The following ABCA6 variants were observed in gnomAD, a reference collection of about 807,000 sequenced individuals.
ABCA6 encodes the protein ATP-binding cassette sub-family A member 6.
In ABCA6, 164 loss-of-function variants were observed where a neutral mutation model predicts 191.2. That is an observed-to-expected ratio of 0.86 (90% confidence interval 0.76 to 0.98). The LOEUF (loss-of-function observed/expected upper bound fraction) is 0.98. ABCA6 is among the 50% of genes least tolerant of loss of function. The pLI is 0.00. For missense variants in ABCA6, 1,958 were observed against 1,894.1 expected (o/e 1.03, Z -0.63); for synonymous variants, 636 against 647.7 (o/e 0.98, Z 0.27).
At chr17:69,139,968 G>T (rs2074003911) in intron 2 of ABCA6, among the ~76,000 whole-genome samples, 2 of 119,080 alleles carry the variant, frequency 1.7e-5, no homozygotes, top group African/African-American at 3.1e-5. Flanking sequence ...GAGGGGGGAG[G>T]GATAGCATTA....
chr17:69,125,007 C>T lies in ABCA6; in HGVS notation c.1148G>A (p.Gly383Asp), dbSNP rs1418815071. The T allele has an allele frequency of 2.1e-6, 3 of 1,452,092 alleles. No individual in the cohort carries two copies. The highest frequency in any genetic ancestry group is 1.8e-6 in the Non-Finnish European group (2 of 1,086,956). 90.0% of individuals were successfully genotyped at this position (1,452,092 alleles called of 1,614,324 possible). Residue 383 changes from glycine to aspartate, a missense_variant, in exon 9 of 39, where the codon GGT becomes GAT. Gly to Asp is a moderately conservative substitution (Grantham distance 94). Transcript: ENST00000284425. ...QIIKLDYNLN[G>D]VIFPDPSGDS... Reference sequence around the variant, plus strand: ...TCCTGAAGGGTCAGGAAAAATTACACCATTCAAGTTATAATCCAGTTTGAT... The same window carrying T: ...TCCTGAAGGGTCAGGAAAAATTACATCATTCAAGTTATAATCCAGTTTGAT...
Position 69,140,717 on chromosome 17 carries a change from TGAA to T in ABCA6, c.-17_-15del. On this transcript the variant is annotated 5_prime_UTR_variant, in exon 2 of 39. Transcript: ENST00000284425. ...TTTCATATTCATTTAGCCTATTCGC[TGAA>T]GGAGAAAGTAATCATGGTGGAACAC... is the stretch of plus-strand genomic sequence containing the variant. The T allele has an allele frequency of 6.6e-7, 1 of 1,526,160 alleles. No homozygotes were observed. The highest frequency in any genetic ancestry group is 1.3e-5 in the South Asian group (1 of 76,586). 94.5% of individuals were successfully genotyped at this position (1,526,160 alleles called of 1,614,324 possible). A position where few individuals can be genotyped will look rare whatever the true frequency, so the allele number is the denominator to read the frequency against.
chr17:69,088,883 G>A (rs541006525), intron 27 of ABCA6, among the ~76,000 whole-genome samples: 38 of 152,188 alleles, frequency 2.5e-4, no homozygotes, highest in African/African-American at 7.2e-4. Flanking sequence ...GGATTGAGCC[G>A]GGGTCACTCT....
chr17:69,139,774 A>T (rs1372914457), intron 2 of ABCA6, among the ~76,000 whole-genome samples: 11 of 152,132 alleles, frequency 7.2e-5, no homozygotes, highest in Admixed American at 3.9e-4. Context: ...GCCATAAAAA[A>T]TGATGAGTTC....
intron 5 of ABCA6, 123 bp downstream of exon 5, chr17:69,134,516 C>A: frequency 1.4e-6 from 1 of 692,914 alleles, no homozygotes; most frequent in South Asian, 1.9e-5. Context: ...TACAAATTAC[C>A]CAATCTCAAG....
chr17:69,107,827 T>C lies in ABCA6; in HGVS notation c.2273-15A>G, dbSNP rs752118108. 1.4e-6 allele frequency: 2 copies of C among 1,461,816 alleles called. No individual in the cohort carries two copies. The highest frequency in any genetic ancestry group is 1.2e-5 in the South Asian group (1 of 85,314). The allele number at this position is 1,461,816 out of a possible 1,614,324, so 90.6% of individuals were successfully genotyped here. ...ACTGAAAAGATCTAAGGCAAAAAAA[T>C]ATGAATAGATACTTTGGAAAACCAC... is the stretch of plus-strand genomic sequence containing the variant. On this transcript the variant is annotated splice_polypyrimidine_tract_variant and intron_variant, in intron 17 of 38. Transcript: ENST00000284425.
Position 69,082,987 on chromosome 17 carries a change from T to G in ABCA6, c.4502A>C (p.Lys1501Thr). 6.2e-7 allele frequency: 1 copy of G among 1,614,214 alleles called. No homozygotes were observed. The highest frequency in any genetic ancestry group is 8.5e-7 in the Non-Finnish European group (1 of 1,180,014). ...AATGTAATCCTTGCCAAGTTTGTTT[T>G]TCAGGTGTTGGATGGAGCCAATGCA... ...LRCIGSIQHL[K>T]NKLGKDYILE... Residue 1501 changes from lysine (K) to threonine (T), a missense_variant, in exon 36 of 39, where the codon AAA becomes ACA. Coordinates refer to ENST00000284425, the MANE Select transcript of ABCA6 (RefSeq NM_080284.3).
chr17:69,086,192 A>G (rs2072783644), intron 30 of ABCA6, among the ~76,000 whole-genome samples: 1 of 152,162 alleles, frequency 6.6e-6, no homozygotes, highest in African/African-American at 2.4e-5. Context: ...ATCTTTTCAA[A>G]ATATAAATTA....
In ABCA6 at chr17:69,136,211, T is replaced by C. The variant is rs773122770; in HGVS notation, c.341A>G (p.Asp114Gly). ...TGGTAAATTTTCCAGAAGTATTTCG[T>C]CCATGTGTGTTTTATTTGGTGCCCC... ...VIGAPNKTHM[D>G]EILLENLPYA... is the part of the protein sequence containing the mutation. Residue 114 changes from aspartate (D) to glycine (G), a missense_variant, in exon 4 of 39, where the codon GAC becomes GGC. By Grantham distance (94) the Asp-to-Gly change is moderately conservative. Coordinates refer to ENST00000284425, the MANE Select transcript of ABCA6 (RefSeq NM_080284.3). The C allele has an allele frequency of 1.9e-6, 3 of 1,591,392 alleles. No individual in the cohort carries two copies. Among genetic ancestry groups the C allele is most frequent in the South Asian group, 1.2e-5 (1 of 86,948 alleles).
chr17:69,121,593 G>A (rs1333909740), intron 10 of ABCA6, among the ~76,000 whole-genome samples: 1 of 152,000 alleles, frequency 6.6e-6, no homozygotes, highest in African/African-American at 2.4e-5. Context: ...GGCACAGTGG[G>A]GATGTGGGAG....
intron 32 of ABCA6, 27 bp from the exon 33 acceptor site, chr17:69,084,534 T>C (rs763185730): frequency 6.2e-7 from 1 of 1,610,854 alleles, no homozygotes; most frequent in Non-Finnish European, 8.5e-7. Flanking sequence ...TGAGAATATC[T>C]GGTCAAGACA....
intron 8 of ABCA6, among the ~76,000 whole-genome samples, chr17:69,127,383 C>T (rs545229368): frequency 6.6e-6 from 1 of 151,954 alleles, no homozygotes; most frequent in South Asian, 2.1e-4. Context: ...GGAAAAATGT[C>T]GGATGTTCAA....
chr17:69,135,383 G>C (rs1406119136), intron 4 of ABCA6: 1 of 152,318 alleles, frequency 6.6e-6, no homozygotes, highest in African/African-American at 2.4e-5. Flanking sequence ...TATTCCCCGG[G>C]CTATATCTGG....
chr17:69,124,065 A>C (rs2073701969), intron 9 of ABCA6, among the ~76,000 whole-genome samples: 1 of 152,046 alleles, frequency 6.6e-6, no homozygotes, highest in Admixed American at 6.6e-5. Context: ...AATTGAACAT[A>C]ATATTGAAAT....
In ABCA6 at chr17:69,135,757, C is replaced by T. The variant is rs115900215; in HGVS notation, c.460+335G>A. 603 of 403,234 alleles carry T rather than the reference C, an allele frequency of 1.5e-3. 8 individuals carry two copies. The highest frequency in any genetic ancestry group is 0.011 in the African/African-American group (537 of 48,818). 25.0% of individuals were successfully genotyped at this position (403,234 alleles called of 1,614,324 possible). On this transcript the variant is annotated intron_variant, in intron 4 of 38. Coordinates refer to ENST00000284425, the MANE Select transcript of ABCA6 (RefSeq NM_080284.3). Reference sequence around the variant, plus strand: ...ACCCCTGGTCTAAGTGCCCATGAAACACTTTTTCTTGTACTTGTCATTAAT... The same window carrying T: ...ACCCCTGGTCTAAGTGCCCATGAAATACTTTTTCTTGTACTTGTCATTAAT...
At position 69,112,172 on chromosome 17, in the gene ABCA6, A is replaced by G. The variant is rs748080529; in HGVS notation, c.2132+11T>C. 2 of 1,596,286 alleles carry G rather than the reference A, an allele frequency of 1.3e-6. No individual in the cohort carries two copies. The highest frequency in any genetic ancestry group is 2.2e-5 in the East Asian group (1 of 44,752). Reference sequence around the variant, plus strand: ...AAACACATAAATCCAATCTATTCCCAAAGTCTTTACCTTAGGTGATATCCA... The same window carrying G: ...AAACACATAAATCCAATCTATTCCCGAAGTCTTTACCTTAGGTGATATCCA... On this transcript the variant is annotated intron_variant, in intron 16 of 38. Coordinates refer to ENST00000284425, the MANE Select transcript of ABCA6 (RefSeq NM_080284.3).
intron 2 of ABCA6, among the ~76,000 whole-genome samples, chr17:69,139,602 T>C (rs1267240964): frequency 6.6e-6 from 1 of 152,140 alleles, no homozygotes; most frequent in African/African-American, 2.4e-5. Flanking sequence ...ACTGGGTATA[T>C]ACCCAAAGGA....
rs148510983 is a variant in ABCA6 at position 69,115,499 on chromosome 17, C to A, written c.1496-13G>T. ...TCAAAGAGCAAGCCTATTTTTAGAACAAATTGTTAACAAATTATTAACAGT... is the reference window on the plus strand; with the variant it reads ...TCAAAGAGCAAGCCTATTTTTAGAAAAAATTGTTAACAAATTATTAACAGT... On this transcript the variant is annotated splice_polypyrimidine_tract_variant and intron_variant, in intron 11 of 38. Transcript: ENST00000284425. The A allele has an allele frequency of 6.3e-7, 1 of 1,593,494 alleles. No homozygotes were observed. Among genetic ancestry groups the A allele is most frequent in the Admixed American group, 1.7e-5 (1 of 59,424 alleles).
In ABCA6 at chr17:69,141,849, CTTTAAA is replaced by C. The variant is rs1186189462; in HGVS notation, c.-156_-151del. 3 of 151,934 alleles carry C rather than the reference CTTTAAA, an allele frequency of 2.0e-5. No individual in the cohort carries two copies. The highest frequency in any genetic ancestry group is 4.4e-5 in the Non-Finnish European group (3 of 67,950). The allele number at this position is 151,934 out of a possible 1,614,324, so 9.4% of individuals were successfully genotyped here. A position where few individuals can be genotyped will look rare whatever the true frequency, so the allele number is the denominator to read the frequency against. On this transcript the variant is annotated 5_prime_UTR_variant, in exon 1 of 39. Transcript: ENST00000284425. ...CTTTATTGCTGCTTCTTCATTTTTTCTTTAAATGGGTGCCTACTCCAGCAGCTCTTA... is the reference window on the plus strand; with the variant it reads ...CTTTATTGCTGCTTCTTCATTTTTTCTGGGTGCCTACTCCAGCAGCTCTTA...
Sources: gnomAD v4.1 joint callset for allele counts (sites outside exome capture counted in the v4.1 genomes callset) on GRCh38, gnomAD v4.1.1 for gene constraint, MANE v1.5 for transcripts, NCBI Gene and HGNC (gene_info 2026-07-23, HGNC 2026-07-21) for gene names.